CELF4: variants seen among roughly 807,000 people sequenced by gnomAD.
CELF4 encodes the protein CUG-BP- and ETR-3-like factor 4.
A neutral mutation model predicts 59.9 loss-of-function variants in CELF4; 18 were observed. That is an observed-to-expected ratio of 0.30 (90% confidence interval 0.21 to 0.45). The LOEUF (loss-of-function observed/expected upper bound fraction) is 0.45. Ranked by LOEUF, CELF4 falls within the 20% of genes least tolerant of loss-of-function variation. The probability of loss-of-function intolerance (pLI) is 1.00; values close to 1 mark genes in which losing one functional copy is unlikely to be tolerated. For missense variants in CELF4, 456 were observed against 689.0 expected (o/e 0.66, Z 3.79); for synonymous variants, 261 against 267.1 (o/e 0.98, Z 0.22).
chr18:37,306,498 C>G (rs980581277), intron 3 of CELF4, among the ~76,000 whole-genome samples: 1 of 152,234 alleles, frequency 6.6e-6, no homozygotes, highest in Non-Finnish European at 1.5e-5. Context: ...ATTCAGAGTG[C>G]TTTGACTCCC....
At chr18:37,406,346 C>A (rs2099389075) in intron 2 of CELF4, among the ~76,000 whole-genome samples, 2 of 152,036 alleles carry the variant, frequency 1.3e-5, no homozygotes, top group Non-Finnish European at 2.9e-5. Flanking sequence ...GAGAGATTCC[C>A]CAGCATAAGC....
At chr18:37,435,544 G>A (rs556190375) in intron 2 of CELF4, among the ~76,000 whole-genome samples, 42 of 152,324 alleles carry the variant, frequency 2.8e-4, no homozygotes, top group South Asian at 1.2e-3. Flanking sequence ...TTGCAGAGCA[G>A]ACTGAGACAA....
intron 2 of CELF4, among the ~76,000 whole-genome samples, chr18:37,446,760 G>A (rs1260742710): frequency 1.3e-5 from 2 of 151,700 alleles, no homozygotes; most frequent in African/African-American, 4.8e-5. Context: ...TCACTGTCAA[G>A]CCTGTTTTCA....
intron 2 of CELF4, among the ~76,000 whole-genome samples, chr18:37,341,585 C>G (rs2098037202): frequency 6.6e-6 from 1 of 152,186 alleles, no homozygotes; most frequent in Non-Finnish European, 1.5e-5. Flanking sequence ...GCAGGAACTC[C>G]TGGTCCAACA....
chr18:37,533,911 C>A (rs962845564), intron 1 of CELF4, among the ~76,000 whole-genome samples: 2 of 152,106 alleles, frequency 1.3e-5, no homozygotes, highest in Non-Finnish European at 2.9e-5. Context: ...GTCCTGGAGT[C>A]GGGGGCTTGG....
chr18:37,455,007 T>G (rs2099774303), intron 2 of CELF4, among the ~76,000 whole-genome samples: 1 of 152,178 alleles, frequency 6.6e-6, no homozygotes, highest in South Asian at 2.1e-4. Flanking sequence ...AGTGAGAGCC[T>G]TCTCCCTCAG....
chr18:37,369,514 G>A (rs1363667910), intron 2 of CELF4, among the ~76,000 whole-genome samples: 5 of 152,244 alleles, frequency 3.3e-5, no homozygotes, highest in African/African-American at 7.2e-5. Context: ...CCCTCTCCTC[G>A]TATACTTAAG....
intron 2 of CELF4, among the ~76,000 whole-genome samples, chr18:37,398,127 C>T (rs1203386267): frequency 6.6e-6 from 1 of 152,186 alleles, no homozygotes; most frequent in East Asian, 1.9e-4. Flanking sequence ...AAGTGAGCTG[C>T]CGGCCCTTGC....
chr18:37,559,282 G>T (rs2099985827), intron 1 of CELF4, among the ~76,000 whole-genome samples: 1 of 152,010 alleles, frequency 6.6e-6, no homozygotes, highest in Admixed American at 6.6e-5. Flanking sequence ...ACTTGCATCT[G>T]TCATCTCTTC....
At chr18:37,414,242 C>CTATCTATG (rs1557418284) in intron 2 of CELF4, among the ~76,000 whole-genome samples, 64 of 143,724 alleles carry the variant, frequency 4.5e-4, no homozygotes, top group Non-Finnish European at 9.1e-4. Flanking sequence ...ATCTATCTAT[C>CTATCTATG]TATCCATCCA....
intron 2 of CELF4, among the ~76,000 whole-genome samples, chr18:37,459,597 C>A (rs2099788096): frequency 6.6e-6 from 1 of 152,046 alleles, no homozygotes; most frequent in South Asian, 2.1e-4. Flanking sequence ...AGCTCAACTC[C>A]ATGAAGCTCA....
At chr18:37,394,441 T>C (rs1260571991) in intron 2 of CELF4, among the ~76,000 whole-genome samples, 1 of 152,140 alleles carries the variant, frequency 6.6e-6, no homozygotes, top group East Asian at 1.9e-4. Flanking sequence ...CGGGCCTCCT[T>C]CTGGCCGCGC....
At chr18:37,550,093 G>A (rs915675732) in intron 1 of CELF4, among the ~76,000 whole-genome samples, 1 of 130,844 alleles carries the variant, frequency 7.6e-6, no homozygotes, top group African/African-American at 3.0e-5. Context: ...TGGGGGGGGG[G>A]GATCCGTGGG....
intron 2 of CELF4, among the ~76,000 whole-genome samples, chr18:37,372,910 G>A (rs1251954410): frequency 1.3e-5 from 2 of 152,098 alleles, no homozygotes; most frequent in African/African-American, 2.4e-5. Context: ...GTGACCTGTT[G>A]AGGGCTGGGG....
At chr18:37,522,536 C>T (rs749589412) in intron 1 of CELF4, among the ~76,000 whole-genome samples, 23 of 152,226 alleles carry the variant, frequency 1.5e-4, no homozygotes, top group Non-Finnish European at 2.6e-4. Context: ...CACACACACA[C>T]GTGTGCATGT....
rs1369307267 is a variant in CELF4, at chr18:37,244,222, ACTTTTC to A, written c.*1014_*1019del. The A allele has an allele frequency of 1.3e-5, 2 of 150,928 alleles. No homozygotes were observed. The highest frequency in any genetic ancestry group is 4.9e-5 in the African/African-American group (2 of 40,924). 9.3% of individuals were successfully genotyped at this position (150,928 alleles called of 1,614,324 possible). ...TTCTTCTATTATATAGGTATTTTAA[ACTTTTC>A]CTTTTTAAAATTCTGTACAACTATT... On this transcript the variant is annotated 3_prime_UTR_variant, in exon 13 of 13. Transcript: ENST00000420428.
At chr18:37,290,752 G>C (rs771490751) in intron 3 of CELF4, among the ~76,000 whole-genome samples, 2 of 152,098 alleles carry the variant, frequency 1.3e-5, no homozygotes, top group Admixed American at 6.5e-5. Flanking sequence ...CCTTTGATTC[G>C]ACTAAGATAG....
chr18:37,476,890 G>A lies in CELF4; in HGVS notation c.369+8635C>T, dbSNP rs892595687. ...ACATGCCCACATTCACACCTGCACC[G>A]GCGGCGAATGCCTGGGCCAAAGCAC... On this transcript the variant is annotated intron_variant, in intron 2 of 12. Coordinates refer to ENST00000420428, the MANE Select transcript of CELF4 (RefSeq NM_020180.4). 3.9e-5 allele frequency among the ~76,000 whole-genome samples: 6 copies of A among 152,240 alleles called. No individual in the cohort carries two copies. In the East Asian group the frequency reaches 7.7e-4, roughly 20 times the overall value.
chr18:37,323,728 C>T (rs1157899163), intron 2 of CELF4, among the ~76,000 whole-genome samples: 1 of 152,206 alleles, frequency 6.6e-6, no homozygotes, highest in Admixed American at 6.5e-5. Context: ...CTGATGCTCT[C>T]TTGGACAGAT....
Sources: gnomAD v4.1 joint callset for allele counts (sites outside exome capture counted in the v4.1 genomes callset) on GRCh38, gnomAD v4.1.1 for gene constraint, MANE v1.5 for transcripts, NCBI Gene and HGNC (gene_info 2026-07-23, HGNC 2026-07-21) for gene names.